Variants in DNMT3A observed in about 807,000 individuals in gnomAD.
The protein encoded by DNMT3A is DNA (cytosine-5)-methyltransferase 3A.
Under a neutral mutation model 117.6 loss-of-function variants are expected in DNMT3A, and 267 were observed. The observed-to-expected ratio is 2.27, with a 90% CI of 2.05 to 2.51. The LOEUF (loss-of-function observed/expected upper bound fraction) is 2.51, where lower values mean the gene tolerates loss of function less well. Ranked by LOEUF, DNMT3A falls within the 30% of genes most tolerant of loss-of-function variation. The probability of loss-of-function intolerance (pLI) is 0.00; values close to 1 mark genes in which losing one functional copy is unlikely to be tolerated. For missense variants in DNMT3A, 1,029 were observed against 1,260.2 expected (o/e 0.82, Z 2.78); for synonymous variants, 432 against 474.8 (o/e 0.91, Z 1.17).
chr2:25,314,578 C>T, intron 1 of DNMT3A: 4 of 985,180 alleles, frequency 4.1e-6, no homozygotes, highest in Non-Finnish European at 4.8e-6. Context: ...TCTGTCCTCA[C>T]CCCCACCCCC....
Position 25,282,225 on chromosome 2 carries a change from AACTAAT to A in DNMT3A, c.448+210_448+215del. ...AATTTTTTGATTTTTAAATACTGGC[AACTAAT>A]TTTTTAAATGTTTAAAACACTCTAT... On this transcript the variant is annotated intron_variant, in intron 4 of 22. Transcript: ENST00000321117. The surrounding 1 kb of genome is among the most constrained non-coding windows in gnomAD (Gnocchi z 5.2). 1 of 1,255,666 alleles carries A rather than the reference AACTAAT, an allele frequency of 8.0e-7. No individual in the cohort carries two copies. The highest frequency in any genetic ancestry group is 1.0e-6 in the Non-Finnish European group (1 of 997,172). 77.8% of individuals were successfully genotyped at this position (1,255,666 alleles called of 1,614,324 possible).
chr2:25,238,942 A>C (rs1173139790), intron 20 of DNMT3A, among the ~76,000 whole-genome samples, 188 bp downstream of exon 20: 2 of 152,262 alleles, frequency 1.3e-5, no homozygotes, highest in African/African-American at 4.8e-5. Context: ...TGTTGGTTTC[A>C]GACGAGTATT....
Position 25,235,830 on chromosome 2 carries a change from A to G in DNMT3A, c.2479-5T>C. The stretch of plus-strand genomic sequence containing the variant: ...AATGGTCCTCACTTTGCTGAACTAG[A>G]TGAAGAGGAGAAAAGAGGAATAAGC... On this transcript the variant is annotated splice_polypyrimidine_tract_variant and splice_region_variant and intron_variant, in intron 21 of 22. Coordinates refer to ENST00000321117, the MANE Select transcript of DNMT3A (RefSeq NM_022552.5). 1 of 1,611,514 alleles carries G rather than the reference A, an allele frequency of 6.2e-7. No individual in the cohort carries two copies. The highest frequency in any genetic ancestry group is 8.5e-7 in the Non-Finnish European group (1 of 1,177,694).
intron 6 of DNMT3A, among the ~76,000 whole-genome samples, chr2:25,251,449 C>T (rs1196099848): frequency 6.6e-6 from 1 of 152,150 alleles, no homozygotes; most frequent in African/African-American, 2.4e-5. Context: ...AGCCCCTGGG[C>T]CTGGAGTCCG....
At chr2:25,338,713 G>A (rs923849855) in intron 1 of DNMT3A, among the ~76,000 whole-genome samples, 3 of 152,292 alleles carry the variant, frequency 2.0e-5, no homozygotes, top group Non-Finnish European at 4.4e-5. Context: ...AGCAGCCCAG[G>A]TAAGAGGTAT....
intron 4 of DNMT3A, among the ~76,000 whole-genome samples, chr2:25,279,517 T>C (rs1444522610): frequency 6.6e-6 from 1 of 152,088 alleles, no homozygotes; most frequent in Non-Finnish European, 1.5e-5. Context: ...CCGTTGCATA[T>C]TGGCAGAGCC....
In DNMT3A at chr2:25,239,173, GTGCAGC is replaced by G; in HGVS notation, c.2359_2364del (p.Ala787_Ala788del). On this transcript the variant is annotated inframe_deletion, in exon 20 of 23. Transcript: ENST00000321117. ...TTACCCCAGAAGTAGCGGGCCCTGT[GTGCAGC>G]TGACACTTCTTTGGCATCAATCATC... 1 of 1,614,160 alleles carries G rather than the reference GTGCAGC, an allele frequency of 6.2e-7. No individual in the cohort carries two copies. The highest frequency in any genetic ancestry group is 8.5e-7 in the Non-Finnish European group (1 of 1,180,012).
intron 1 of DNMT3A, chr2:25,314,529 C>T: frequency 1.0e-6 from 1 of 984,824 alleles, no homozygotes; most frequent in Non-Finnish European, 1.2e-6. Context: ...ATCCCAGCCT[C>T]CCCCAGAGGC....
intron 2 of DNMT3A, among the ~76,000 whole-genome samples, chr2:25,300,738 T>A (rs1264771879): frequency 5.1e-4 from 21 of 40,900 alleles, no homozygotes; most frequent in African/African-American, 8.3e-4. Flanking sequence ...TATATATATA[T>A]ATATATATAT....
chr2:25,337,172 C>G lies in DNMT3A; in HGVS notation c.-178+4654G>C, dbSNP rs1286380897. ...GGGATTTCAGGTGGAAGCAAAACAA[C>G]CTGTTGACACGAGATTTGTTCAACT... On this transcript the variant is annotated intron_variant, in intron 1 of 22. Coordinates refer to ENST00000321117, the MANE Select transcript of DNMT3A (RefSeq NM_022552.5). This position sits in a 1 kb window ranked among gnomAD's most constrained non-coding sequence, Gnocchi z 5.0. Among the ~76,000 whole-genome samples the G allele has an allele frequency of 6.6e-6, 1 of 152,136 alleles. No individual in the cohort carries two copies. Among genetic ancestry groups the G allele is most frequent in the African/African-American group, 2.4e-5 (1 of 41,418 alleles).
intron 4 of DNMT3A, among the ~76,000 whole-genome samples, chr2:25,276,939 CA>C (rs1290977717): frequency 6.6e-6 from 1 of 152,266 alleles, no homozygotes; most frequent in Non-Finnish European, 1.5e-5. Context: ...TCCCTCGTGA[CA>C]GGGGGGTCCT....
At position 25,286,979 on chromosome 2, in the gene DNMT3A, G is replaced by C. The variant is rs1006434927; in HGVS notation, c.178-4268C>G. Among the ~76,000 whole-genome samples the C allele has an allele frequency of 6.6e-6, 1 of 152,254 alleles. No homozygotes were observed. The highest frequency in any genetic ancestry group is 2.4e-5 in the African/African-American group (1 of 41,468). On this transcript the variant is annotated intron_variant, in intron 3 of 22. Transcript: ENST00000321117. This position sits in a 1 kb window ranked among gnomAD's most constrained non-coding sequence, Gnocchi z 4.3. ...ACTTTGCTCGATCCGGCTAGACTTA[G>C]CAGGGAGTGGGGCACCTGACAGGTG...
At chr2:25,290,791 G>C (rs1190302951) in intron 3 of DNMT3A, among the ~76,000 whole-genome samples, 2 of 142,022 alleles carry the variant, frequency 1.4e-5, no homozygotes, top group African/African-American at 5.1e-5. Flanking sequence ...CGGGGAAGGG[G>C]GATCCTGTGG....
chr2:25,239,300 C>G, intron 19 of DNMT3A, 85 bp from the exon 20 acceptor site: 1 of 1,188,454 alleles, frequency 8.4e-7, no homozygotes, highest in Non-Finnish European at 1.2e-6. Context: ...GCCTTAAAGC[C>G]TCAAAGCCTC....
rs958702357 is a variant in DNMT3A at position 25,230,170 on chromosome 2, A to G, written c.*4109T>C. On this transcript the variant is annotated 3_prime_UTR_variant, in exon 23 of 23. Coordinates refer to ENST00000321117, the MANE Select transcript of DNMT3A (RefSeq NM_022552.5). Reference sequence around the variant, plus strand: ...CAATAGCAAGAAGTCTCTGGGGCCTAGAGACAAAAGGACAGCAACAGATTC... The same window carrying G: ...CAATAGCAAGAAGTCTCTGGGGCCTGGAGACAAAAGGACAGCAACAGATTC... 6.6e-6 allele frequency: 1 copy of G among 152,410 alleles called. No homozygotes were observed. The highest frequency in any genetic ancestry group is 2.1e-4 in the South Asian group (1 of 4,832). 9.4% of individuals were successfully genotyped at this position (152,410 alleles called of 1,614,324 possible). A position where few individuals can be genotyped will look rare whatever the true frequency, so the allele number is the denominator to read the frequency against.
intron 6 of DNMT3A, among the ~76,000 whole-genome samples, chr2:25,256,696 C>T (rs1233173452): frequency 6.6e-6 from 1 of 152,144 alleles, no homozygotes; most frequent in Non-Finnish European, 1.5e-5. Flanking sequence ...TTATCTTTCC[C>T]TTCTGTCCCT....
chr2:25,328,789 T>C, intron 1 of DNMT3A: 1 of 455,568 alleles, frequency 2.2e-6, no homozygotes, highest in Non-Finnish European at 4.7e-6. Flanking sequence ...TTGCAGGAGC[T>C]CCGAGGGCAG....
rs1177701722 is a variant in DNMT3A, at chr2:25,300,686, T to TA, written c.73-444dup. Among the ~76,000 whole-genome samples the TA allele has an allele frequency of 1.0e-3, 80 of 79,760 alleles. 3 individuals carry two copies. The highest frequency in any genetic ancestry group is 3.7e-3 in the African/African-American group (75 of 20,468). The allele number at this position is 79,760 out of a possible 152,430, so 52.3% of individuals were successfully genotyped here. ...TATATTATTTAGATATATATTTAGA[T>TA]ATATATTTATATATCTAAATAATAT... is the stretch of plus-strand genomic sequence containing the variant. On this transcript the variant is annotated intron_variant, in intron 2 of 22. Coordinates refer to ENST00000321117, the MANE Select transcript of DNMT3A (RefSeq NM_022552.5).
intron 1 of DNMT3A, among the ~76,000 whole-genome samples, chr2:25,317,525 A>G (rs2034429951): frequency 1.3e-5 from 2 of 152,232 alleles, no homozygotes; most frequent in African/African-American, 2.4e-5. Context: ...CTTATATGAC[A>G]GCACCAGGTA....
Sources: allele counts gnomAD v4.1 joint callset (sites outside exome capture counted in the v4.1 genomes callset), GRCh38; gene constraint gnomAD v4.1.1; non-coding constraint Gnocchi (gnomAD v3.1); transcripts MANE v1.5; gene names NCBI Gene and HGNC (gene_info 2026-07-23, HGNC 2026-07-21).